Variants in LHCGR observed in about 807,000 individuals in gnomAD.
The protein encoded by LHCGR is luteinizing hormone/choriogonadotropin receptor.
In LHCGR, 55 loss-of-function variants were observed where a neutral mutation model predicts 60.7. The observed-to-expected ratio is 0.91, with a 90% CI of 0.73 to 1.13. The LOEUF is 1.13. Ranked by LOEUF, LHCGR falls within the 50% of genes most tolerant of loss-of-function variation. The pLI is 0.00. For missense variants in LHCGR, 862 were observed against 836.0 expected, an observed-to-expected ratio of 1.03 and a Z score of -0.38; for synonymous variants, 337 against 316.5, an observed-to-expected ratio of 1.06 and a Z score of -0.69.
chr2:48,705,664 T>C (rs1179204393), intron 8 of LHCGR, among the ~76,000 whole-genome samples: 2 of 152,206 alleles, frequency 1.3e-5, no homozygotes, highest in African/African-American at 4.8e-5. Context: ...TTGTCTCTTT[T>C]GATCTTTGTT....
intron 9 of LHCGR, among the ~76,000 whole-genome samples, chr2:48,697,910 A>G (rs1013170817): frequency 1.3e-5 from 2 of 152,228 alleles, no homozygotes; most frequent in African/African-American, 4.8e-5. Flanking sequence ...ACTCAGCTTT[A>G]TTTCTGTTAC....
intron 1 of LHCGR, among the ~76,000 whole-genome samples, chr2:48,751,570 G>C (rs918332712): frequency 2.0e-5 from 3 of 152,126 alleles, no homozygotes; most frequent in African/African-American, 7.2e-5. Flanking sequence ...CAGTCTCTTG[G>C]GGGTGTGTTT....
chr2:48,690,888 C>T (rs992685802), intron 10 of LHCGR, among the ~76,000 whole-genome samples: 3 of 152,198 alleles, frequency 2.0e-5, no homozygotes, highest in Non-Finnish European at 4.4e-5. Flanking sequence ...ATCCCAGTGC[C>T]TAGCACAGTT....
At chr2:48,751,915 A>G (rs1187410905) in intron 1 of LHCGR, among the ~76,000 whole-genome samples, 1 of 152,232 alleles carries the variant, frequency 6.6e-6, no homozygotes, top group Non-Finnish European at 1.5e-5. Context: ...TCTTACTAAC[A>G]GATTTTTCAA....
chr2:48,723,621 C>G lies in LHCGR; in HGVS notation c.458+1G>C. 6.2e-7 allele frequency: 1 copy of G among 1,612,542 alleles called. No individual in the cohort carries two copies. The highest frequency in any genetic ancestry group is 8.5e-7 in the Non-Finnish European group (1 of 1,178,568). ...TGCATAGCAATCAGCCTGGTACTTA[C>G]AGAATGAAATTTGATTCAGAGGAGA... On this transcript the variant is annotated splice_donor_variant, in intron 5 of 10. Transcript: ENST00000294954. LOFTEE classifies it high-confidence loss of function.
chr2:48,726,092 C>T (rs1241286826), intron 3 of LHCGR, among the ~76,000 whole-genome samples: 1 of 152,080 alleles, frequency 6.6e-6, no homozygotes, highest in Non-Finnish European at 1.5e-5. Context: ...CACTGTGGAC[C>T]CTGTACACTG....
chr2:48,709,785 C>T (rs1667888221), intron 7 of LHCGR, among the ~76,000 whole-genome samples: 1 of 152,168 alleles, frequency 6.6e-6, no homozygotes, highest in Non-Finnish European at 1.5e-5. Flanking sequence ...ACAATCTGGT[C>T]CTCCTAGGCA....
At chr2:48,754,805 C>T (rs764975707) in intron 1 of LHCGR, among the ~76,000 whole-genome samples, 1 of 152,162 alleles carries the variant, frequency 6.6e-6, no homozygotes, top group Non-Finnish European at 1.5e-5. Context: ...GGCTCCCCTT[C>T]TCCTCTTTAC....
intron 6 of LHCGR, among the ~76,000 whole-genome samples, chr2:48,722,746 C>A (rs1668557194): frequency 6.6e-6 from 1 of 152,134 alleles, no homozygotes; most frequent in African/African-American, 2.4e-5. Context: ...CCAATTAAAA[C>A]CTCTTTTCTT....
chr2:48,715,943 C>T (rs1444791731), intron 6 of LHCGR, among the ~76,000 whole-genome samples: 2 of 152,088 alleles, frequency 1.3e-5, no homozygotes, highest in African/African-American at 4.8e-5. Flanking sequence ...CAGTCAATAG[C>T]CTGAGTAAAG....
In LHCGR at chr2:48,698,674, C is replaced by T; in HGVS notation, c.807G>A (p.Leu269=). ...LPSRETFVNL[L]EATLTYPSHC... Reference sequence around the variant, plus strand: ...GGCTGGGGTAAGTCAACGTGGCCTCCAGGAGATTGACAAATGTTTCTCTTG... The same window carrying T: ...GGCTGGGGTAAGTCAACGTGGCCTCTAGGAGATTGACAAATGTTTCTCTTG... The change falls in exon 9 of 11, where the codon CTG becomes CTA. Residue 269 remains leucine (L), a synonymous_variant. Transcript: ENST00000294954. 6.2e-7 allele frequency: 1 copy of T among 1,614,162 alleles called. No individual in the cohort carries two copies. Among genetic ancestry groups the T allele is most frequent in the Non-Finnish European group, 8.5e-7 (1 of 1,180,034 alleles).
At chr2:48,698,866 G>C in intron 8 of LHCGR, 66 bp from the exon 9 acceptor site, 1 of 1,363,864 alleles carries the variant, frequency 7.3e-7, no homozygotes, top group Non-Finnish European at 1.0e-6. Flanking sequence ...TTTTGAGACG[G>C]AGTCTTGCTC....
chr2:48,735,521 T>C (rs1339779445), intron 1 of LHCGR, among the ~76,000 whole-genome samples: 1 of 152,208 alleles, frequency 6.6e-6, no homozygotes, highest in Non-Finnish European at 1.5e-5. Context: ...TCCCTGTATC[T>C]CTACCCCTTA....
intron 9 of LHCGR, among the ~76,000 whole-genome samples, chr2:48,695,762 T>A (rs1003078132): frequency 6.6e-6 from 1 of 152,172 alleles, no homozygotes; most frequent in Non-Finnish European, 1.5e-5. Flanking sequence ...GAAGCCATAA[T>A]CTTAAGTAAA....
At chr2:48,747,570 T>G (rs1669764889) in intron 1 of LHCGR, among the ~76,000 whole-genome samples, 1 of 152,258 alleles carries the variant, frequency 6.6e-6, no homozygotes, top group African/African-American at 2.4e-5. Context: ...ATCGATTCTA[T>G]GCTGGGTGTG....
chr2:48,687,316 C>A lies in LHCGR; in HGVS notation c.*381G>T. 1 of 182,062 alleles carries A rather than the reference C, an allele frequency of 5.5e-6. No homozygotes were observed. The highest frequency in any genetic ancestry group is 1.2e-5 in the Non-Finnish European group (1 of 86,086). 11.3% of individuals were successfully genotyped at this position (182,062 alleles called of 1,614,324 possible). On this transcript the variant is annotated 3_prime_UTR_variant, in exon 11 of 11. Transcript: ENST00000294954. ...TTTCAAACTACCTGAGGAAAAAGGC[C>A]AGTTATTTTAAATTTCTGATCTGTT...
At position 48,696,788 on chromosome 2, in the gene LHCGR, T is replaced by A. The variant is rs184034136; in HGVS notation, c.866+1827A>T. On this transcript the variant is annotated intron_variant, in intron 9 of 10. Transcript: ENST00000294954. The stretch of plus-strand genomic sequence containing the variant: ...TCCTTGCAGGAATACTTTGTCTCTT[T>A]CACCTACTGGAATAAAAATCCCTGA... Among the ~76,000 whole-genome samples, 77 of 152,102 alleles carry A rather than the reference T, an allele frequency of 5.1e-4. 1 individual carries two copies. In the South Asian group the frequency reaches 9.8e-3, roughly 19 times the overall value.
chr2:48,743,742 G>T (rs1391364321), intron 1 of LHCGR, among the ~76,000 whole-genome samples: 37 of 152,092 alleles, frequency 2.4e-4, no homozygotes, highest in Non-Finnish European at 4.4e-4. Flanking sequence ...ATATCATACT[G>T]AATGGGCAAA....
In LHCGR at chr2:48,688,096, A is replaced by T. The variant is rs192668603; in HGVS notation, c.1701T>A (p.Ile567=). The T allele has an allele frequency of 3.1e-6, 5 of 1,614,162 alleles. 1 individual carries two copies. The African/African-American group carries it at 6.7e-5, about 22-fold the overall frequency. Reference sequence around the variant, plus strand: ...AGATGAGGATTGCCATTTTCTTAGCAATCTTTGTATCTTTATTGGTAGCCA... The same window carrying T: ...AGATGAGGATTGCCATTTTCTTAGCTATCTTTGTATCTTTATTGGTAGCCA... The part of the protein sequence containing the change: ...ELMATNKDTK[I]AKKMAILIFT... The change falls in exon 11 of 11, where the codon ATT becomes ATA. Residue 567 remains isoleucine (I), a synonymous_variant. Transcript: ENST00000294954. This position sits in a 1 kb window ranked among gnomAD's most constrained non-coding sequence, Gnocchi z 5.2.
Sources: gnomAD v4.1 joint callset for allele counts (sites outside exome capture counted in the v4.1 genomes callset) on GRCh38, gnomAD v4.1.1 for gene constraint, Gnocchi (gnomAD v3.1) non-coding constraint, MANE v1.5 for transcripts, NCBI Gene and HGNC (gene_info 2026-07-23, HGNC 2026-07-21) for gene names.